RSF1: variants seen among roughly 807,000 people sequenced by gnomAD.
RSF1 encodes remodeling and spacing factor 1.
Under a neutral mutation model 145.2 loss-of-function variants are expected in RSF1, and 13 were observed. The observed-to-expected ratio is 0.09, with a 90% CI of 0.06 to 0.14. The LOEUF (loss-of-function observed/expected upper bound fraction) is 0.14. RSF1 is among the 10% of genes least tolerant of loss of function. RSF1 has a pLI of 1.00. For missense variants in RSF1, 1,517 were observed against 1,718.2 expected (o/e 0.88, Z 2.07); for synonymous variants, 577 against 592.6 (o/e 0.97, Z 0.38).
At chr11:77,668,340 T>C (rs904050673) in intron 15 of RSF1, among the ~76,000 whole-genome samples, 7 of 152,224 alleles carry the variant, frequency 4.6e-5, no homozygotes, top group African/African-American at 1.7e-4. Flanking sequence ...TGATAATGCT[T>C]GAATTAAATG....
upstream of RSF1, chr11:77,820,954 C>T (rs532083541): frequency 4.5e-4 from 250 of 550,938 alleles, 2 homozygotes; most frequent in South Asian, 2.7e-3. Context: ...GCCCTCTTTC[C>T]GCCCCCTTCT....
chr11:77,699,976 AACTC>A (rs1391717365), intron 6 of RSF1, among the ~76,000 whole-genome samples: 1 of 152,194 alleles, frequency 6.6e-6, no homozygotes, highest in Non-Finnish European at 1.5e-5. Flanking sequence ...TTAAGTGAAA[AACTC>A]ACAGAAAAAT....
chr11:77,679,291 C>T (rs937130661), intron 11 of RSF1, among the ~76,000 whole-genome samples: 3 of 152,166 alleles, frequency 2.0e-5, no homozygotes, highest in African/African-American at 7.2e-5. Context: ...GAATTTGGCC[C>T]ACAGGCCATA....
chr11:77,840,701 A>G, the RSF1 span, among the ~76,000 whole-genome samples: 1 of 152,028 alleles, frequency 6.6e-6, no homozygotes, highest in African/African-American at 2.4e-5. Flanking sequence ...GAGCCACCAC[A>G]CTCAGCCCCA....
intron 5 of RSF1, among the ~76,000 whole-genome samples, chr11:77,709,685 G>A (rs1174340275): frequency 1.1e-4 from 16 of 149,752 alleles, no homozygotes; most frequent in Non-Finnish European, 1.2e-4. Flanking sequence ...ATCTGAATTT[G>A]TGCCAATTCT....
At chr11:77,708,578 C>T (rs1391937874) in intron 5 of RSF1, among the ~76,000 whole-genome samples, 1 of 152,198 alleles carries the variant, frequency 6.6e-6, no homozygotes, top group Non-Finnish European at 1.5e-5. Context: ...TTAATGAGCT[C>T]TCACTAGCTG....
chr11:77,862,016 C>T, the RSF1 span, among the ~76,000 whole-genome samples: 1 of 152,166 alleles, frequency 6.6e-6, no homozygotes, highest in Non-Finnish European at 1.5e-5. Context: ...TCCAGAAAGG[C>T]GGTAGGATTT....
chr11:77,798,092 A>G (rs1321255698), intron 1 of RSF1, among the ~76,000 whole-genome samples: 1 of 152,256 alleles, frequency 6.6e-6, no homozygotes, highest in Non-Finnish European at 1.5e-5. Context: ...TGTGGAAGAC[A>G]GTGTGGCGAT....
upstream of RSF1, among the ~76,000 whole-genome samples, chr11:77,825,184 A>C (rs1371909981): frequency 6.6e-6 from 1 of 151,766 alleles, no homozygotes. Flanking sequence ...GGGTTTCACC[A>C]TGTTAGCCAG....
the RSF1 span, among the ~76,000 whole-genome samples, chr11:77,838,438 T>C: frequency 6.6e-6 from 1 of 152,114 alleles, no homozygotes; most frequent in African/African-American, 2.4e-5. Context: ...GAAGAAGAAA[T>C]ACTGCCTCAG....
chr11:77,775,761 T>A (rs1948335909), intron 1 of RSF1, among the ~76,000 whole-genome samples: 1 of 152,168 alleles, frequency 6.6e-6, no homozygotes. Context: ...AGTGAGACCC[T>A]GTTTCTTTGT....
At chr11:77,779,543 T>C (rs1357615134) in intron 1 of RSF1, among the ~76,000 whole-genome samples, 2 of 151,934 alleles carry the variant, frequency 1.3e-5, no homozygotes, top group African/African-American at 4.8e-5. Flanking sequence ...CCACCACGCC[T>C]GGCTAATTTT....
intron 1 of RSF1, among the ~76,000 whole-genome samples, chr11:77,769,892 G>C (rs886792352): frequency 6.6e-6 from 1 of 152,072 alleles, no homozygotes; most frequent in African/African-American, 2.4e-5. Flanking sequence ...ACTTTATCTA[G>C]GCCATTGATA....
the RSF1 span, chr11:77,866,796 T>G: frequency 1.2e-4 from 19 of 152,258 alleles, no homozygotes; most frequent in East Asian, 3.5e-3. Flanking sequence ...TATTACAGGA[T>G]TTAATGAAAA....
chr11:77,697,070 G>A (rs1219305785), intron 7 of RSF1, among the ~76,000 whole-genome samples: 2 of 152,080 alleles, frequency 1.3e-5, no homozygotes, highest in Non-Finnish European at 2.9e-5. Flanking sequence ...AGTATGTGGC[G>A]TGAGTCCCAC....
At chr11:77,762,164 T>C (rs12421391) in intron 2 of RSF1, 26,653 of 150,924 alleles carry the variant, frequency 0.18, 2,938 homozygotes, top group African/African-American at 0.29. Context: ...CCACTGTGCC[T>C]AGCTGGGTTT....
intron 2 of RSF1, among the ~76,000 whole-genome samples, chr11:77,761,261 A>G (rs559186442): frequency 1.3e-5 from 2 of 152,238 alleles, no homozygotes; most frequent in African/African-American, 2.4e-5. Context: ...TTTCTACTTA[A>G]TGACATCATC....
chr11:77,698,296 G>A (rs1168406985), intron 7 of RSF1, among the ~76,000 whole-genome samples, 191 bp downstream of exon 7: 1 of 152,234 alleles, frequency 6.6e-6, no homozygotes, highest in Admixed American at 6.5e-5. Context: ...CAAGTAGAAT[G>A]AAAGTAGGAT....
chr11:77,741,639 T>C (rs1389672885), intron 3 of RSF1, among the ~76,000 whole-genome samples: 1 of 152,194 alleles, frequency 6.6e-6, no homozygotes, highest in Non-Finnish European at 1.5e-5. Flanking sequence ...GATATATGTG[T>C]ATAGTGTGGA....
Sources: allele counts gnomAD v4.1 joint callset (sites outside exome capture counted in the v4.1 genomes callset), GRCh38; gene constraint gnomAD v4.1.1; transcripts MANE v1.5; gene names NCBI Gene and HGNC (gene_info 2026-07-23, HGNC 2026-07-21).